The following LRIG1 variants were observed in gnomAD, a reference collection of about 807,000 sequenced individuals.
LRIG1 encodes leucine rich repeats and immunoglobulin like domains 1, also known as leucine-rich repeats and immunoglobulin-like domains protein 1.
A neutral mutation model predicts 99.2 loss-of-function variants in LRIG1; 48 were observed. That is an observed-to-expected ratio of 0.48 (90% CI 0.38 to 0.62). The LOEUF (loss-of-function observed/expected upper bound fraction) is 0.62. LRIG1 is among the 20% of genes least tolerant of loss of function. LRIG1 has a pLI of 0.00. For synonymous variants in LRIG1, 772 were observed against 596.1 expected (o/e 1.29, Z -4.30); for missense variants, 1,646 against 1,434.4 (o/e 1.15, Z -2.38).
intron 13 of LRIG1, 85 bp from the exon 14 acceptor site, chr3:66,384,357 CTG>C: frequency 1.4e-6 from 2 of 1,410,100 alleles, no homozygotes; most frequent in East Asian, 2.3e-5. Flanking sequence ...CTACCTGTCA[CTG>C]TGCCCAGTGC....
intron 1 of LRIG1, among the ~76,000 whole-genome samples, chr3:66,493,961 GAAA>G (rs1279137557): frequency 3.8e-5 from 5 of 132,524 alleles, no homozygotes; most frequent in Admixed American, 1.7e-4. Context: ...AAGAAAGAAA[GAAA>G]AAGAAAAGAA....
chr3:66,488,095 A>C (rs951557828), intron 1 of LRIG1, among the ~76,000 whole-genome samples: 22 of 152,180 alleles, frequency 1.4e-4, no homozygotes, highest in African/African-American at 5.3e-4. Context: ...AGAAAAGCCC[A>C]AGAATTTCCA....
intron 8 of LRIG1, chr3:66,406,304 G>A (rs181222514): frequency 2.0e-6 from 2 of 985,566 alleles, no homozygotes; most frequent in Non-Finnish European, 2.4e-6. Flanking sequence ...GGGACCCGGG[G>A]CTGTGGCTTT....
intron 3 of LRIG1, among the ~76,000 whole-genome samples, chr3:66,447,371 A>G (rs1455014189): frequency 2.0e-5 from 3 of 152,150 alleles, no homozygotes; most frequent in African/African-American, 7.2e-5. Context: ...CCCTGGGTAC[A>G]TTTATCTTAT....
At chr3:66,444,502 G>A (rs1181980196) in intron 3 of LRIG1, among the ~76,000 whole-genome samples, 1 of 152,206 alleles carries the variant, frequency 6.6e-6, no homozygotes, top group African/African-American at 2.4e-5. Context: ...TAAACAGCTT[G>A]GTCAGAACCG....
intron 1 of LRIG1, among the ~76,000 whole-genome samples, chr3:66,488,669 T>G (rs370445006): frequency 5.9e-5 from 9 of 152,124 alleles, no homozygotes; most frequent in African/African-American, 2.2e-4. Context: ...AGGCTGTACA[T>G]GTTAATTGGC....
At chr3:66,479,695 TCA>T (rs777746319) in intron 1 of LRIG1, among the ~76,000 whole-genome samples, 1 of 152,220 alleles carries the variant, frequency 6.6e-6, no homozygotes, top group Non-Finnish European at 1.5e-5. Context: ...GAAAAGATGC[TCA>T]GTGTCATTAG....
At position 66,379,002 on chromosome 3, in the gene LRIG1, T is replaced by C. The variant is rs1559758673; in HGVS notation, c.*1261A>G. The C allele has an allele frequency of 1.3e-5, 2 of 152,680 alleles. No homozygotes were observed. Among genetic ancestry groups the C allele is most frequent in the African/African-American group, 4.8e-5 (2 of 41,464 alleles). The allele number at this position is 152,680 out of a possible 1,614,324, so 9.5% of individuals were successfully genotyped here. A position where few individuals can be genotyped will look rare whatever the true frequency, so the allele number is the denominator to read the frequency against. ...GTGGAAGTAAGATTAGTCAGTTAAC[T>C]GTCAAGAACAAAATTCTAAATGTGC... On this transcript the variant is annotated 3_prime_UTR_variant, in exon 19 of 19. Transcript: ENST00000273261.
intron 3 of LRIG1, among the ~76,000 whole-genome samples, chr3:66,440,265 T>C (rs543421590): frequency 3.4e-4 from 52 of 152,272 alleles, no homozygotes; most frequent in African/African-American, 1.3e-3. Flanking sequence ...TTGATTTAAC[T>C]GCCCTGAGAC....
intron 3 of LRIG1, among the ~76,000 whole-genome samples, chr3:66,431,250 TAAG>T (rs1326760683): frequency 6.6e-6 from 1 of 151,940 alleles, no homozygotes; most frequent in Non-Finnish European, 1.5e-5. Flanking sequence ...GGGAAGGAGG[TAAG>T]AAAACCAGGA....
At chr3:66,388,107 A>AAAAC (rs1491189718) in intron 12 of LRIG1, 3 of 11,466 alleles carry the variant, frequency 2.6e-4, no homozygotes, top group Non-Finnish European at 8.4e-4. Flanking sequence ...ACTCTGTCTC[A>AAAAC]AAAAAAAAAA....
rs1701924493 is a variant in LRIG1, at chr3:66,398,094, G to A, written c.1304+18C>T. On this transcript the variant is annotated intron_variant, in intron 11 of 18. Coordinates refer to ENST00000273261, the MANE Select transcript of LRIG1 (RefSeq NM_015541.3). ...TCTCCACTACCATTAATCAGACCCAGGGAATCCAGATACTTACAGCTCTTT... is the reference window on the plus strand; with the variant it reads ...TCTCCACTACCATTAATCAGACCCAAGGAATCCAGATACTTACAGCTCTTT... The A allele has an allele frequency of 1.9e-6, 3 of 1,601,512 alleles. No homozygotes were observed. In the East Asian group the frequency reaches 6.7e-5, roughly 36 times the overall value.
At chr3:66,490,892 G>GT in intron 1 of LRIG1, among the ~76,000 whole-genome samples, 2 of 152,320 alleles carry the variant, frequency 1.3e-5, no homozygotes, top group South Asian at 4.1e-4. Flanking sequence ...TGGAGGACTA[G>GT]TAATTCCCAC....
intron 3 of LRIG1, among the ~76,000 whole-genome samples, chr3:66,422,533 C>T (rs1236807643): frequency 6.6e-6 from 1 of 152,238 alleles, no homozygotes; most frequent in African/African-American, 2.4e-5. Flanking sequence ...TTCCTCATTT[C>T]CATCTGAGAC....
In LRIG1 at chr3:66,407,337, G is replaced by A; in HGVS notation, c.1079+11C>T. ...GGGACCCCTTTATCCTGTCAGTAGT[G>A]GGAGACGTACAAGACTCGCAGGCTC... On this transcript the variant is annotated intron_variant, in intron 8 of 18. Coordinates refer to ENST00000273261, the MANE Select transcript of LRIG1 (RefSeq NM_015541.3). 6.2e-7 allele frequency: 1 copy of A among 1,613,992 alleles called. No homozygotes were observed. Among genetic ancestry groups the A allele is most frequent in the African/African-American group, 1.3e-5 (1 of 75,042 alleles).
chr3:66,452,698 G>T (rs764358375), intron 2 of LRIG1, among the ~76,000 whole-genome samples: 1 of 152,068 alleles, frequency 6.6e-6, no homozygotes, highest in Non-Finnish European at 1.5e-5. Context: ...GCATGTGCTT[G>T]AAGAGAATAA....
At chr3:66,395,683 C>A (rs1414505726) in intron 11 of LRIG1, among the ~76,000 whole-genome samples, 3 of 152,216 alleles carry the variant, frequency 2.0e-5, no homozygotes, top group Admixed American at 2.0e-4. Flanking sequence ...TGTGGAGTCA[C>A]TGCAGGTGGC....
At chr3:66,433,870 G>A (rs1442769208) in intron 3 of LRIG1, among the ~76,000 whole-genome samples, 4 of 152,228 alleles carry the variant, frequency 2.6e-5, no homozygotes, top group Non-Finnish European at 4.4e-5. Context: ...GGGGTCCTAT[G>A]AGAAGCAATT....
At chr3:66,424,890 T>TA (rs1702929215) in intron 3 of LRIG1, among the ~76,000 whole-genome samples, 1 of 152,252 alleles carries the variant, frequency 6.6e-6, no homozygotes, top group Non-Finnish European at 1.5e-5. Flanking sequence ...GGCTTTGTGT[T>TA]AGATGATTCT....
Sources: gnomAD v4.1 joint callset for allele counts (sites outside exome capture counted in the v4.1 genomes callset) on GRCh38, gnomAD v4.1.1 for gene constraint, MANE v1.5 for transcripts, NCBI Gene and HGNC (gene_info 2026-07-23, HGNC 2026-07-21) for gene names.